The following SSC5D variants were observed in gnomAD, a reference collection of about 807,000 sequenced individuals.
SSC5D encodes the protein soluble scavenger receptor cysteine-rich domain-containing protein SSC5D.
Under a neutral mutation model 104.6 loss-of-function variants are expected in SSC5D, and 106 were observed. That is an observed-to-expected ratio of 1.01 (90% CI 0.87 to 1.19). SSC5D has a LOEUF of 1.19. Ranked by LOEUF, SSC5D falls within the 50% of genes most tolerant of loss-of-function variation. The probability of loss-of-function intolerance (pLI) is 0.00; values close to 1 mark genes in which losing one functional copy is unlikely to be tolerated. For synonymous variants in SSC5D, 860 were observed against 883.5 expected (o/e 0.97, Z 0.47); for missense variants, 1,993 against 2,153.8 (o/e 0.93, Z 1.48).
intron 7 of SSC5D, among the ~76,000 whole-genome samples, 166 bp from the exon 8 acceptor site, chr19:55,494,444 G>A (rs1987252250): frequency 6.6e-6 from 1 of 152,194 alleles, no homozygotes; most frequent in Admixed American, 6.5e-5. Flanking sequence ...CTCTCCCCAG[G>A]TCAGGGATGT....
Position 55,499,967 on chromosome 19 carries a change from G to A in SSC5D, c.1857G>A (p.Lys619=), listed in dbSNP as rs943954571. The A allele has an allele frequency of 1.9e-6, 3 of 1,551,674 alleles. No homozygotes were observed. Among genetic ancestry groups the A allele is most frequent in the Non-Finnish European group, 2.6e-6 (3 of 1,147,034 alleles). ...TASVLEKTTT[K]APGKMPKSTK... ...GTGTTCTGGAGAAAACAACCACGAA[G>A]GCCCCAGGGAAAATGCCTAAGAGTA... The change falls in exon 10 of 14, where the codon AAG becomes AAA. Residue 619 remains lysine, a synonymous_variant. Coordinates refer to ENST00000389623, the MANE Select transcript of SSC5D (RefSeq NM_001144950.2).
rs566162231 is a variant in SSC5D, at chr19:55,497,628, T to C, written c.1388-252T>C. On this transcript the variant is annotated intron_variant, in intron 8 of 13. Transcript: ENST00000389623. ...CTAGTAGCAGACTTTCTAGATTATA[T>C]GGTAATTTGATGTGTAGCTTTTTGA... is the stretch of plus-strand genomic sequence containing the variant. 2.7e-4 allele frequency among the ~76,000 whole-genome samples: 41 copies of C among 152,256 alleles called. 1 individual carries two copies. The highest frequency in any genetic ancestry group is 5.9e-4 in the Admixed American group (9 of 15,288).
rs543046958 is a variant in SSC5D at position 55,503,560 on chromosome 19, C to G, written c.2785+2359C>G. Among the ~76,000 whole-genome samples the G allele has an allele frequency of 6.6e-6, 1 of 152,060 alleles. No individual in the cohort carries two copies. Among genetic ancestry groups the G allele is most frequent in the South Asian group, 2.1e-4 (1 of 4,818 alleles). On this transcript the variant is annotated intron_variant, in intron 12 of 13. Transcript: ENST00000389623. This position sits in a 1 kb window ranked among gnomAD's most constrained non-coding sequence, Gnocchi z 4.0. ...GCGGGCTCCTCTGTCCGTTTCTCAC[C>G]GTCCCCGCCGCCCTCGCCGCTCCCT... is the stretch of plus-strand genomic sequence containing the variant.
At chr19:55,508,900 T>C (rs1274947576) in intron 12 of SSC5D, among the ~76,000 whole-genome samples, 1 of 88,784 alleles carries the variant, frequency 1.1e-5, no homozygotes, top group African/African-American at 4.6e-5. Context: ...GGGGGAGGCC[T>C]CCTGAGGGCA....
In SSC5D at chr19:55,490,303, C is replaced by A. The variant is rs560855824; in HGVS notation, c.481C>A (p.Arg161Ser). 1.3e-5 allele frequency: 15 copies of A among 1,147,080 alleles called. No individual in the cohort carries two copies. The highest frequency in any genetic ancestry group is 1.8e-5 in the Non-Finnish European group (14 of 785,618). 71.1% of individuals were successfully genotyped at this position (1,147,080 alleles called of 1,614,324 possible). ...CTGGCTGTCTCCACTCCCAGCCCCC[C>A]GCCCAGCTGGGAACCCCCAGAACGC... ...TEEPLVTHAP[R>S]PAGNPQNASR... The change falls in exon 5 of 14, where the codon CGC (arginine) becomes AGC (serine). Residue 161 changes from arginine to serine, a missense_variant. Arg to Ser is a moderately radical substitution (Grantham distance 110). Coordinates refer to ENST00000389623, the MANE Select transcript of SSC5D (RefSeq NM_001144950.2).
chr19:55,494,715 C>A lies in SSC5D; in HGVS notation c.1319C>A (p.Pro440Gln), dbSNP rs747539978. 1.9e-6 allele frequency: 3 copies of A among 1,550,430 alleles called. No individual in the cohort carries two copies. In the South Asian group the frequency reaches 3.6e-5, roughly 18 times the overall value. ...RPPSTMTSQA[P>Q]GTAGVSPPPA... Reference sequence around the variant, plus strand: ...CCGTCCACCATGACGAGCCAGGCTCCAGGGACGGCAGGCGTTTCACCTCCT... The same window carrying A: ...CCGTCCACCATGACGAGCCAGGCTCAAGGGACGGCAGGCGTTTCACCTCCT... The change falls in exon 8 of 14, where the codon CCA (proline) becomes CAA (glutamine). Residue 440 changes from proline to glutamine, a missense_variant. Pro to Gln is a moderately conservative substitution (Grantham distance 76). This residue lies in a region of SSC5D where 1,101 missense variants were observed against 1,085.0 expected (regional missense o/e 1.01). Transcript: ENST00000389623.
In SSC5D at chr19:55,501,209, G is replaced by GC. The variant is rs1475973224; in HGVS notation, c.2785+10dup. ...GGCGCCTGCCGGACACAGGTGAGAGGCCTGATTGGGGTGGCCATGGAGGGC... is the reference window on the plus strand; with the variant it reads ...GGCGCCTGCCGGACACAGGTGAGAGGCCCTGATTGGGGTGGCCATGGAGGGC... On this transcript the variant is annotated intron_variant, in intron 12 of 13. Coordinates refer to ENST00000389623, the MANE Select transcript of SSC5D (RefSeq NM_001144950.2). 8.0e-6 allele frequency: 12 copies of GC among 1,508,768 alleles called. No homozygotes were observed. Among genetic ancestry groups the GC allele is most frequent in the African/African-American group, 1.4e-5 (1 of 71,184 alleles). The allele number at this position is 1,508,768 out of a possible 1,614,324, so 93.5% of individuals were successfully genotyped here.
At chr19:55,507,891 C>T (rs1987674254) in intron 12 of SSC5D, among the ~76,000 whole-genome samples, 1 of 151,682 alleles carries the variant, frequency 6.6e-6, no homozygotes, top group African/African-American at 2.4e-5. Flanking sequence ...CCCGGGAGGT[C>T]CAGGGGAGAG....
At position 55,494,762 on chromosome 19, in the gene SSC5D, T is replaced by TGGGAGCCTGGACC; in HGVS notation, c.1369_1381dup (p.Glu461GlyfsTer29). 1.3e-6 allele frequency: 2 copies of TGGGAGCCTGGACC among 1,545,100 alleles called. No homozygotes were observed. The highest frequency in any genetic ancestry group is 8.7e-7 in the Non-Finnish European group (1 of 1,143,738). On this transcript the variant is annotated frameshift_variant, in exon 8 of 14. Transcript: ENST00000389623. LOFTEE classifies it high-confidence loss of function. ...TCCTCCAGCCTCCCCTACTGTCCTT[T>TGGGAGCCTGGACC]GGGAGCCTGGACCGGAAGCCGGTGA...
At chr19:55,516,493 T>C (rs1452063214) in intron 13 of SSC5D, among the ~76,000 whole-genome samples, 1 of 146,998 alleles carries the variant, frequency 6.8e-6, no homozygotes, top group African/African-American at 2.6e-5. Flanking sequence ...CGAGACTCCA[T>C]CTCAAAAAAA....
chr19:55,517,881 C>T lies in SSC5D; in HGVS notation c.3605C>T (p.Thr1202Ile). ...HSTMIPDPTT[T>I]PQPFTTITHS... ...ACCATGATTCCTGACCCCACCACAACCCCTCAACCCTTCACCACCATCACT... is the reference window on the plus strand; with the variant it reads ...ACCATGATTCCTGACCCCACCACAATCCCTCAACCCTTCACCACCATCACT... The change falls in exon 14 of 14, where the codon ACC (threonine) becomes ATC (isoleucine). Residue 1202 changes from threonine (T) to isoleucine (I), a missense_variant. By Grantham distance (89) the Thr-to-Ile change is moderately conservative. Transcript: ENST00000389623. 1.3e-6 allele frequency: 2 copies of T among 1,541,078 alleles called. No individual in the cohort carries two copies. Among genetic ancestry groups the T allele is most frequent in the South Asian group, 1.2e-5 (1 of 83,468 alleles).
At position 55,518,175 on chromosome 19, in the gene SSC5D, AC is replaced by A. The variant is rs1987930908; in HGVS notation, c.3903del (p.Thr1302ProfsTer2). 2 of 1,114,128 alleles carry A rather than the reference AC, an allele frequency of 1.8e-6. No homozygotes were observed. The highest frequency in any genetic ancestry group is 2.2e-6 in the Non-Finnish European group (2 of 889,726). The allele number at this position is 1,114,128 out of a possible 1,614,324, so 69.0% of individuals were successfully genotyped here. ...TTTPHPTTTP[H>X]PTMTPDPTTT... is the part of the protein sequence containing the mutation. ...ACCCCTCACCCCACCACAACCCCTC[AC>A]CCCACCATGACTCCTGACCCCACCA... On this transcript the variant is annotated frameshift_variant, in exon 14 of 14. Coordinates refer to ENST00000389623, the MANE Select transcript of SSC5D (RefSeq NM_001144950.2). LOFTEE classifies it low-confidence loss of function (END_TRUNC).
At chr19:55,499,385 G>C (rs1201695719) in intron 9 of SSC5D, among the ~76,000 whole-genome samples, 2 of 152,236 alleles carry the variant, frequency 1.3e-5, no homozygotes, top group Non-Finnish European at 2.9e-5. Context: ...GGCCACGGGG[G>C]CACCACAGAA....
rs767661299 is a variant in SSC5D, at chr19:55,503,714, T to C, written c.2785+2513T>C. On this transcript the variant is annotated intron_variant, in intron 12 of 13. Transcript: ENST00000389623. The surrounding 1 kb of genome is among the most constrained non-coding windows in gnomAD (Gnocchi z 4.0). Reference sequence around the variant, plus strand: ...GCCCTGCTCGCCGTCTGGGGCTGCCTGGGTTTCTGCCTCTGTCGCCCCGCG... The same window carrying C: ...GCCCTGCTCGCCGTCTGGGGCTGCCCGGGTTTCTGCCTCTGTCGCCCCGCG... Among the ~76,000 whole-genome samples, 26 of 152,320 alleles carry C rather than the reference T, an allele frequency of 1.7e-4. No homozygotes were observed. Among genetic ancestry groups the C allele is most frequent in the Non-Finnish European group, 3.5e-4 (24 of 68,010 alleles).
chr19:55,503,980 T>G lies in SSC5D; in HGVS notation c.2785+2779T>G. On this transcript the variant is annotated intron_variant, in intron 12 of 13. Coordinates refer to ENST00000389623, the MANE Select transcript of SSC5D (RefSeq NM_001144950.2). The surrounding 1 kb of genome is among the most constrained non-coding windows in gnomAD (Gnocchi z 4.0). ...GCGCATCGCCCGCAGTAATAATAGC[T>G]GGGCGAAGGGCAACCAGGCCCCAAG... 2.4e-6 allele frequency: 2 copies of G among 830,560 alleles called. No individual in the cohort carries two copies. The highest frequency in any genetic ancestry group is 3.6e-6 in the Non-Finnish European group (2 of 555,198). 51.4% of individuals were successfully genotyped at this position (830,560 alleles called of 1,614,324 possible).
rs1233325758 is a variant in SSC5D at position 55,503,951 on chromosome 19, G to T, written c.2785+2750G>T. On this transcript the variant is annotated intron_variant, in intron 12 of 13. Transcript: ENST00000389623. This position sits in a 1 kb window ranked among gnomAD's most constrained non-coding sequence, Gnocchi z 4.0. ...GCGCGCTGCGCCTCCTGATTGGCCA[G>T]CCGGCGCATCGCCCGCAGTAATAAT... 1.3e-5 allele frequency among the ~76,000 whole-genome samples: 2 copies of T among 152,248 alleles called. No individual in the cohort carries two copies.
In SSC5D at chr19:55,499,994, TAAG is replaced by T. The variant is rs755515002; in HGVS notation, c.1888_1890del (p.Lys630del). On this transcript the variant is annotated inframe_deletion, in exon 10 of 14. Coordinates refer to ENST00000389623, the MANE Select transcript of SSC5D (RefSeq NM_001144950.2). Reference sequence around the variant, plus strand: ...CCCCAGGGAAAATGCCTAAGAGTACTAAGAAGTGGGTGACAAAAAATGCAAAGA... The same window carrying T: ...CCCCAGGGAAAATGCCTAAGAGTACTAAGTGGGTGACAAAAAATGCAAAGA... 6.4e-6 allele frequency: 10 copies of T among 1,551,634 alleles called. No individual in the cohort carries two copies. The highest frequency in any genetic ancestry group is 1.2e-5 in the South Asian group (1 of 84,030).
chr19:55,499,715 A>C (rs74258003), intron 9 of SSC5D, 101 bp from the exon 10 acceptor site: 1 of 886,532 alleles, frequency 1.1e-6, no homozygotes, highest in Admixed American at 2.8e-5. Flanking sequence ...TGATGAATGA[A>C]TGGGAACTGG....
rs933253149 is a variant in SSC5D at position 55,503,056 on chromosome 19, G to C, written c.2785+1855G>C. On this transcript the variant is annotated intron_variant, in intron 12 of 13. Transcript: ENST00000389623. The surrounding 1 kb of genome is among the most constrained non-coding windows in gnomAD (Gnocchi z 4.0). ...TCTCAAATTCCTGACCTCGTGATCC[G>C]CCTGCCTCGGCCTCCCAAAGTGCTG... Among the ~76,000 whole-genome samples, 12 of 151,830 alleles carry C rather than the reference G, an allele frequency of 7.9e-5. No homozygotes were observed. The highest frequency in any genetic ancestry group is 1.6e-4 in the Non-Finnish European group (11 of 67,974).
Sources: allele counts gnomAD v4.1 joint callset (sites outside exome capture counted in the v4.1 genomes callset), GRCh38; gene constraint gnomAD v4.1.1; regional missense constraint gnomAD v4.1.1; non-coding constraint Gnocchi (gnomAD v3.1); transcripts MANE v1.5; gene names NCBI Gene and HGNC (gene_info 2026-07-23, HGNC 2026-07-21).